Variants in FNDC3A observed in about 807,000 individuals in gnomAD.
The protein encoded by FNDC3A is fibronectin type III domain containing 3A.
In FNDC3A, 32 loss-of-function variants were observed where a neutral mutation model predicts 148.9. The ratio of observed to expected loss-of-function variants is 0.21; its 90% CI spans 0.16 to 0.29. FNDC3A has a LOEUF of 0.29. Among genes scored for constraint, FNDC3A ranks in the 10% least tolerant of loss-of-function variants. The probability of loss-of-function intolerance (pLI) is 1.00; values close to 1 mark genes in which losing one functional copy is unlikely to be tolerated. For synonymous variants in FNDC3A, 472 were observed against 473.6 expected (o/e 1.00, Z 0.04); for missense variants, 1,191 against 1,452.8 (o/e 0.82, Z 2.93).
intron 8 of FNDC3A, among the ~76,000 whole-genome samples, chr13:49,156,772 A>G (rs1883720540): frequency 8.1e-6 from 1 of 124,118 alleles, no homozygotes; most frequent in Non-Finnish European, 1.7e-5. Flanking sequence ...TTTCTCCTTC[A>G]CTTATGAAGC....
At chr13:49,151,587 T>C (rs904559244) in intron 8 of FNDC3A, among the ~76,000 whole-genome samples, 11 of 152,190 alleles carry the variant, frequency 7.2e-5, no homozygotes, top group African/African-American at 2.7e-4. Flanking sequence ...TTTTTTATTA[T>C]TATTATACTT....
chr13:49,015,395 CTGTT>C (rs921038305), intron 2 of FNDC3A, among the ~76,000 whole-genome samples: 2 of 152,138 alleles, frequency 1.3e-5, no homozygotes, highest in Admixed American at 6.5e-5. Flanking sequence ...ATTTGGCTCT[CTGTT>C]TGTCTGTTGT....
intron 2 of FNDC3A, among the ~76,000 whole-genome samples, chr13:49,072,144 T>A (rs1877737199): frequency 6.6e-6 from 1 of 152,312 alleles, no homozygotes; most frequent in Non-Finnish European, 1.5e-5. Flanking sequence ...AGTTTTGTAG[T>A]TTTAGGTCTT....
At chr13:48,979,670 TAGCTTA>T (rs1394230167) in intron 1 of FNDC3A, among the ~76,000 whole-genome samples, 1 of 152,176 alleles carries the variant, frequency 6.6e-6, no homozygotes, top group Non-Finnish European at 1.5e-5. Context: ...GACATATTAA[TAGCTTA>T]AGCTTTATGT....
chr13:49,089,962 A>G (rs1252555797), intron 3 of FNDC3A, among the ~76,000 whole-genome samples: 1 of 152,200 alleles, frequency 6.6e-6, no homozygotes, highest in Non-Finnish European at 1.5e-5. Context: ...GCTGCTCCAT[A>G]GGTTATACAA....
chr13:49,065,796 T>C (rs111278302), intron 2 of FNDC3A, among the ~76,000 whole-genome samples: 1 of 152,344 alleles, frequency 6.6e-6, no homozygotes, highest in African/African-American at 2.4e-5. Flanking sequence ...TCCATGACTG[T>C]ATCCCAGTTT....
At chr13:49,179,357 TG>T (rs1376972122) in intron 14 of FNDC3A, among the ~76,000 whole-genome samples, 2 of 152,234 alleles carry the variant, frequency 1.3e-5, no homozygotes, top group African/African-American at 2.4e-5. Context: ...TGATAAAGCC[TG>T]TATCTACCAT....
At chr13:49,071,238 T>C (rs1233532423) in intron 2 of FNDC3A, among the ~76,000 whole-genome samples, 3 of 152,074 alleles carry the variant, frequency 2.0e-5, no homozygotes, top group African/African-American at 7.2e-5. Flanking sequence ...AAATATTTCA[T>C]TGTGTATATA....
rs377044123 is a variant in FNDC3A at position 49,029,789 on chromosome 13, A to C, written c.99+23500A>C. 9.5e-4 allele frequency among the ~76,000 whole-genome samples: 145 copies of C among 152,330 alleles called. 1 individual carries two copies. Among genetic ancestry groups the C allele is most frequent in the African/African-American group, 3.3e-3 (139 of 41,574 alleles). On this transcript the variant is annotated intron_variant, in intron 2 of 25. Coordinates refer to ENST00000492622, the MANE Select transcript of FNDC3A (RefSeq NM_001079673.2). ...AGAATGAGAGAGTAGACATTACTAC[A>C]GATCTTACAGAAATGAAAGGATTAT...
At chr13:49,113,773 A>G (rs1195105705) in intron 3 of FNDC3A, among the ~76,000 whole-genome samples, 1 of 152,190 alleles carries the variant, frequency 6.6e-6, no homozygotes, top group African/African-American at 2.4e-5. Flanking sequence ...AGTTACAGGA[A>G]GAAAGGAACT....
At chr13:49,136,891 T>C (rs1882398210) in intron 6 of FNDC3A, among the ~76,000 whole-genome samples, 1 of 152,176 alleles carries the variant, frequency 6.6e-6, no homozygotes. Flanking sequence ...TCAAAACTTT[T>C]TTTTTTTGAG....
chr13:49,161,403 TG>T (rs1375710103), intron 8 of FNDC3A, among the ~76,000 whole-genome samples: 1 of 152,152 alleles, frequency 6.6e-6, no homozygotes, highest in Non-Finnish European at 1.5e-5. Flanking sequence ...TCGGTTTTAT[TG>T]GAGACTAGGA....
intron 2 of FNDC3A, among the ~76,000 whole-genome samples, chr13:49,045,256 C>T (rs1254466997): frequency 6.6e-6 from 1 of 152,002 alleles, no homozygotes; most frequent in Admixed American, 6.6e-5. Flanking sequence ...CAGGTTCAAG[C>T]AATTCTTCTG....
In FNDC3A at chr13:49,167,282, C is replaced by A; in HGVS notation, c.1016C>A (p.Pro339Gln). Reference sequence around the variant, plus strand: ...AATATCACTTTAAATGATCTCAAGCCAGCCATGGATTACCATGCAAAGTAA... The same window carrying A: ...AATATCACTTTAAATGATCTCAAGCAAGCCATGGATTACCATGCAAAGTAA... The part of the protein sequence containing the change: ...ETNITLNDLK[P>Q]AMDYHAKVQA... Residue 339 changes from proline to glutamine, a missense_variant, in exon 9 of 26, where the codon CCA becomes CAA. By Grantham distance (76) the Pro-to-Gln change is moderately conservative. Around this residue, in one of 3 missense-constraint regions of FNDC3A, gnomAD observed 426 missense variants for 473.2 expected, o/e 0.90. Transcript: ENST00000492622. 6.2e-7 allele frequency: 1 copy of A among 1,603,456 alleles called. No individual in the cohort carries two copies. Among genetic ancestry groups the A allele is most frequent in the Admixed American group, 1.7e-5 (1 of 59,472 alleles).
chr13:49,104,702 T>G (rs1319666168), intron 3 of FNDC3A, among the ~76,000 whole-genome samples: 1 of 152,154 alleles, frequency 6.6e-6, no homozygotes, highest in Admixed American at 6.5e-5. Context: ...AAGAGACATG[T>G]CCTAGGGGAT....
rs565060108 is a variant in FNDC3A, at chr13:48,984,874, G to A, written c.-40+8697G>A. ...TAATTTTTGTATTTTTAGTAGAGAC[G>A]GGGTTTCACCATGTTGTCCAGATGG... On this transcript the variant is annotated intron_variant, in intron 1 of 25. Coordinates refer to ENST00000492622, the MANE Select transcript of FNDC3A (RefSeq NM_001079673.2). Among the ~76,000 whole-genome samples, 181 of 152,022 alleles carry A rather than the reference G, an allele frequency of 1.2e-3. 8 individuals are homozygous for A. In the South Asian group the frequency reaches 0.037, roughly 31 times the overall value.
intron 23 of FNDC3A, chr13:49,201,108 A>G: frequency 3.7e-6 from 1 of 270,354 alleles, no homozygotes; most frequent in Non-Finnish European, 7.5e-6. Flanking sequence ...TTCATTATTC[A>G]TTCTCTAATT....
intron 19 of FNDC3A, among the ~76,000 whole-genome samples, chr13:49,195,460 C>A (rs995012302): frequency 6.6e-6 from 1 of 152,134 alleles, no homozygotes; most frequent in African/African-American, 2.4e-5. Context: ...AAGGAGTGAA[C>A]TATTTTCTTT....
At chr13:49,187,017 A>ATT in intron 15 of FNDC3A, 105 bp from the exon 16 acceptor site, 25 of 572,820 alleles carry the variant, frequency 4.4e-5, no homozygotes, top group Non-Finnish European at 5.8e-5. Context: ...ATTGCAGGTG[A>ATT]TTTTTTTTTT....
Sources: gnomAD v4.1 joint callset for allele counts (sites outside exome capture counted in the v4.1 genomes callset) on GRCh38, gnomAD v4.1.1 for gene constraint, gnomAD v4.1.1 regional missense constraint, MANE v1.5 for transcripts, NCBI Gene and HGNC (gene_info 2026-07-23, HGNC 2026-07-21) for gene names.